RBM5: variants seen among roughly 807,000 people sequenced by gnomAD.
RBM5 encodes RNA binding motif protein 5, also known as RNA-binding protein 5.
A neutral mutation model predicts 124.6 loss-of-function variants in RBM5; 15 were observed. That is an observed-to-expected ratio of 0.12 (90% CI 0.08 to 0.19). RBM5 has a LOEUF of 0.19. RBM5 is among the 10% of genes least tolerant of loss of function. RBM5 has a pLI of 1.00. For synonymous variants in RBM5, 337 were observed against 361.2 expected (o/e 0.93, Z 0.76); for missense variants, 580 against 1,026.5 (o/e 0.57, Z 5.94).
chr3:50,105,432 G>A, intron 9 of RBM5, 117 bp from the exon 10 acceptor site: 1 of 1,154,842 alleles, frequency 8.7e-7, no homozygotes, highest in South Asian at 1.5e-5. Flanking sequence ...TGTCAGGGTA[G>A]AAAATACACT....
chr3:50,118,453 G>A lies in RBM5; in HGVS notation c.2445G>A (p.Glu815=), dbSNP rs1331692549. Residue 815 remains glutamate, a synonymous_variant, in exon 25 of 25, where the codon GAG becomes GAA. Coordinates refer to ENST00000347869, the MANE Select transcript of RBM5 (RefSeq NM_005778.4). ...TGTTTGCCCGGTTCACTGAGATGGA[G>A]TGAGAGAGAGAGAGAGAGAGAGATG... The part of the protein sequence containing the change: ...KAMFARFTEM[E] The A allele has an allele frequency of 1.2e-6, 2 of 1,613,162 alleles. No individual in the cohort carries two copies. Among genetic ancestry groups the A allele is most frequent in the Non-Finnish European group, 1.7e-6 (2 of 1,179,862 alleles).
rs2090915566 is a variant in RBM5, at chr3:50,100,345, TTAG to T, written c.410-185_410-183del. ...AGCGTGGAATCAAATGGAGTGGCAT[TTAG>T]TTCAGGCGGCTTGTTCCTTGCCATG... is the stretch of plus-strand genomic sequence containing the variant. On this transcript the variant is annotated intron_variant, in intron 5 of 24. Transcript: ENST00000347869. The surrounding 1 kb of genome is among the most constrained non-coding windows in gnomAD (Gnocchi z 5.1). 5.2e-6 allele frequency: 3 copies of T among 571,520 alleles called. No individual in the cohort carries two copies. The highest frequency in any genetic ancestry group is 3.8e-5 in the African/African-American group (2 of 53,204). The allele number at this position is 571,520 out of a possible 1,614,324, so 35.4% of individuals were successfully genotyped here. A position where few individuals can be genotyped will look rare whatever the true frequency, so the allele number is the denominator to read the frequency against.
At chr3:50,096,650 C>T (rs150403705) in intron 4 of RBM5, among the ~76,000 whole-genome samples, 47 of 132,446 alleles carry the variant, frequency 3.5e-4, no homozygotes, top group African/African-American at 1.2e-3. Context: ...AGTGCAATCG[C>T]GTGATTGTGG....
intron 12 of RBM5, 98 bp downstream of exon 12, chr3:50,107,667 CTTTTCTTTT>C (rs2091060570): frequency 2.2e-5 from 3 of 135,124 alleles, no homozygotes; most frequent in Non-Finnish European, 2.7e-5. Context: ...GAGCTCTTTT[CTTTTCTTTT>C]TTTTTTTTTT....
intron 6 of RBM5, chr3:50,101,442 T>C (rs1575314967): frequency 6.6e-6 from 1 of 152,224 alleles, no homozygotes; most frequent in Admixed American, 6.5e-5. Context: ...TTACATTCTT[T>C]GATTGGTAAT....
In RBM5 at chr3:50,117,075, T is replaced by C; in HGVS notation, c.2096T>C (p.Met699Thr). The C allele has an allele frequency of 6.2e-7, 1 of 1,613,906 alleles. No individual in the cohort carries two copies. Among genetic ancestry groups the C allele is most frequent in the Non-Finnish European group, 8.5e-7 (1 of 1,179,794 alleles). The change falls in exon 23 of 25, where the codon ATG becomes ACG. Residue 699 changes from methionine to threonine, a missense_variant and splice_region_variant. This residue lies in a region of RBM5 where 234 missense variants were observed against 435.1 expected (regional missense o/e 0.54). Coordinates refer to ENST00000347869, the MANE Select transcript of RBM5 (RefSeq NM_005778.4). The surrounding 1 kb of genome is among the most constrained non-coding windows in gnomAD (Gnocchi z 4.2). ...AGCAGTGTTTTTTCTCCCATGTAGATGAAATACCGAGACCGAGCTGCAGAA... is the reference window on the plus strand; with the variant it reads ...AGCAGTGTTTTTTCTCCCATGTAGACGAAATACCGAGACCGAGCTGCAGAA... The part of the protein sequence containing the change: ...LEALELRERE[M>T]KYRDRAAERR...
At chr3:50,104,224 T>A in intron 7 of RBM5, 24 bp from the exon 8 acceptor site, 1 of 1,606,228 alleles carries the variant, frequency 6.2e-7, no homozygotes, top group Non-Finnish European at 8.5e-7. Context: ...GAGAAATAAT[T>A]ACAGATAAAA....
At chr3:50,106,598 C>T in intron 10 of RBM5, 169 bp from the exon 11 acceptor site, 2 of 588,850 alleles carry the variant, frequency 3.4e-6, no homozygotes. Flanking sequence ...ACCTTCACAT[C>T]TTAGAGGAAA....
chr3:50,113,830 G>A (rs986546358), intron 18 of RBM5, 120 bp from the exon 19 acceptor site: 82 of 1,155,036 alleles, frequency 7.1e-5, no homozygotes, highest in Non-Finnish European at 9.5e-5. Flanking sequence ...TTTGTAGGTG[G>A]AAGTAAGAGT....
At chr3:50,107,372 G>A (rs1025575945) in intron 11 of RBM5, 110 bp from the exon 12 acceptor site, 9 of 868,398 alleles carry the variant, frequency 1.0e-5, no homozygotes, top group African/African-American at 9.9e-5. Context: ...ATGTGGCCTT[G>A]CTGGCATTTG....
chr3:50,105,840 A>G, intron 10 of RBM5, 131 bp downstream of exon 10: 1 of 961,956 alleles, frequency 1.0e-6, no homozygotes, highest in Non-Finnish European at 1.5e-6. Flanking sequence ...CAGTTTTTGC[A>G]CTGCTAAATT....
rs934011074 is a variant in RBM5 at position 50,107,136 on chromosome 3, G to A, written c.953+272G>A. ...AACACATGCTTTGCAAACTGCAGCA[G>A]TATAGTGCTAACCCATCCAGAAATA... On this transcript the variant is annotated intron_variant, in intron 11 of 24. Transcript: ENST00000347869. The A allele has an allele frequency of 4.5e-6, 3 of 671,062 alleles. No homozygotes were observed. The African/African-American group carries it at 5.3e-5, about 12-fold the overall frequency. The allele number at this position is 671,062 out of a possible 1,614,324, so 41.6% of individuals were successfully genotyped here.
Position 50,117,036 on chromosome 3 carries a change from C to G in RBM5, c.2095-38C>G. On this transcript the variant is annotated intron_variant, in intron 22 of 24. Transcript: ENST00000347869. This position sits in a 1 kb window ranked among gnomAD's most constrained non-coding sequence, Gnocchi z 4.2. ...GCATTAGACGGTTACAGGTTGAAGT[C>G]TGTGAACATTTCCAGCAGTGTTTTT... 1 of 1,570,840 alleles carries G rather than the reference C, an allele frequency of 6.4e-7. No homozygotes were observed. Among genetic ancestry groups the G allele is most frequent in the Non-Finnish European group, 8.8e-7 (1 of 1,140,840 alleles).
At position 50,115,553 on chromosome 3, in the gene RBM5, G is replaced by A. The variant is rs1172559847; in HGVS notation, c.1965G>A (p.Gln655=). ...KKMACLLCRR[Q]FPNKDALVRH... ...TGGCCTGTCTGCTCTGCCGGCGCCA[G>A]TTCCCGAACAAAGATGCCCTAGTCA... Residue 655 remains glutamine, a synonymous_variant, in exon 21 of 25, where the codon CAG becomes CAA. Transcript: ENST00000347869. The A allele has an allele frequency of 1.2e-6, 2 of 1,613,484 alleles. No individual in the cohort carries two copies. The highest frequency in any genetic ancestry group is 1.7e-6 in the Non-Finnish European group (2 of 1,179,876).
At chr3:50,095,115 G>A (rs920294345) in intron 4 of RBM5, among the ~76,000 whole-genome samples, 1 of 152,076 alleles carries the variant, frequency 6.6e-6, no homozygotes, top group African/African-American at 2.4e-5. Flanking sequence ...ACAGGAGAAT[G>A]GCTTGAACCT....
chr3:50,099,298 C>T (rs2090890864), intron 4 of RBM5, among the ~76,000 whole-genome samples: 1 of 151,826 alleles, frequency 6.6e-6, no homozygotes, highest in African/African-American at 2.4e-5. Context: ...AGGGAAATTC[C>T]CATGCAACAT....
chr3:50,091,809 C>T (rs1041907157), intron 2 of RBM5, among the ~76,000 whole-genome samples: 7 of 152,126 alleles, frequency 4.6e-5, no homozygotes, highest in Non-Finnish European at 7.3e-5. Flanking sequence ...ATATTCAACC[C>T]AAATGTTTAT....
At position 50,117,514 on chromosome 3, in the gene RBM5, C is replaced by T. The variant is rs555395501; in HGVS notation, c.2322+135C>T. On this transcript the variant is annotated intron_variant, in intron 24 of 24. Coordinates refer to ENST00000347869, the MANE Select transcript of RBM5 (RefSeq NM_005778.4). This position sits in a 1 kb window ranked among gnomAD's most constrained non-coding sequence, Gnocchi z 4.2. ...TGAAGGGGCAGATTACAGGCATGAG[C>T]TCACACCTGTAATCCCAGCACTTTG... 8 of 1,258,796 alleles carry T rather than the reference C, an allele frequency of 6.4e-6. No individual in the cohort carries two copies. Among genetic ancestry groups the T allele is most frequent in the Non-Finnish European group, 8.8e-6 (8 of 913,358 alleles). 78.0% of individuals were successfully genotyped at this position (1,258,796 alleles called of 1,614,324 possible).
At chr3:50,107,932 C>A in intron 12 of RBM5, 138 bp from the exon 13 acceptor site, 1 of 718,624 alleles carries the variant, frequency 1.4e-6, no homozygotes, top group South Asian at 1.6e-5. Flanking sequence ...GTGATCCACC[C>A]ACGTCAGCCT....
Sources: gnomAD v4.1 joint callset for allele counts (sites outside exome capture counted in the v4.1 genomes callset) on GRCh38, gnomAD v4.1.1 for gene constraint, gnomAD v4.1.1 regional missense constraint, Gnocchi (gnomAD v3.1) non-coding constraint, MANE v1.5 for transcripts, NCBI Gene and HGNC (gene_info 2026-07-23, HGNC 2026-07-21) for gene names.